The following SH3PXD2A variants were observed in gnomAD, a reference collection of about 807,000 sequenced individuals.
SH3PXD2A encodes SH3 and PX domains 2A, also known as SH3 and PX domain-containing protein 2A.
A neutral mutation model predicts 115.2 loss-of-function variants in SH3PXD2A; 32 were observed. The ratio of observed to expected loss-of-function variants is 0.28; its 90% confidence interval spans 0.21 to 0.37. The LOEUF is 0.37. Among genes scored for constraint, SH3PXD2A ranks in the 10% least tolerant of loss-of-function variants. The probability of loss-of-function intolerance (pLI) is 1.00; values close to 1 mark genes in which losing one functional copy is unlikely to be tolerated. For synonymous variants in SH3PXD2A, 610 were observed against 629.1 expected, an observed-to-expected ratio of 0.97 and a Z score of 0.45; for missense variants, 1,328 against 1,498.7, an observed-to-expected ratio of 0.89 and a Z score of 1.88.
At chr10:103,678,448 C>T (rs974307341) in intron 6 of SH3PXD2A, among the ~76,000 whole-genome samples, 1 of 152,210 alleles carries the variant, frequency 6.6e-6, no homozygotes, top group African/African-American at 2.4e-5. Context: ...TGGGGAGCCC[C>T]GAGTTAACCC....
At chr10:103,706,810 C>G (rs559047551) in intron 5 of SH3PXD2A, among the ~76,000 whole-genome samples, 16 of 152,152 alleles carry the variant, frequency 1.1e-4, no homozygotes, top group Non-Finnish European at 1.9e-4. Context: ...CTTTCCCCCC[C>G]GAGTAGAGCT....
At chr10:103,837,701 G>A (rs2039559463) in intron 1 of SH3PXD2A, among the ~76,000 whole-genome samples, 1 of 152,172 alleles carries the variant, frequency 6.6e-6, no homozygotes, top group South Asian at 2.1e-4. Flanking sequence ...CCCTCTCTGA[G>A]CCTTTCCTTG....
chr10:103,603,879 G>C (rs1039454672), intron 14 of SH3PXD2A, 90 bp from the exon 15 acceptor site: 12 of 1,364,276 alleles, frequency 8.8e-6, no homozygotes, highest in Non-Finnish European at 1.2e-5. Flanking sequence ...TTGGCTCTGG[G>C]ATAAATTATC....
In SH3PXD2A at chr10:103,852,711, C is replaced by T. The variant is rs538282689; in HGVS notation, c.72+2484G>A. On this transcript the variant is annotated intron_variant, in intron 1 of 14. Coordinates refer to ENST00000369774, the MANE Select transcript of SH3PXD2A (RefSeq NM_001394015.1). ...TGCAGCCTCCCCAAACCCGCTCCTC[C>T]TGCCCCTGTCTGTCCCACCAGGCCC... Among the ~76,000 whole-genome samples the T allele has an allele frequency of 2.2e-3, 332 of 152,366 alleles. 3 individuals carry two copies. The highest frequency in any genetic ancestry group is 3.4e-3 in the Middle Eastern group (1 of 294).
In SH3PXD2A at chr10:103,596,483, A is replaced by G. The variant is rs932056623; in HGVS notation, c.*5333T>C. On this transcript the variant is annotated 3_prime_UTR_variant, in exon 15 of 15. Transcript: ENST00000369774. ...CTCTCCAGCCAGAATGATGTGTGTG[A>G]ATGACACACTTGCTGCCAGAAGCTG... is the stretch of plus-strand genomic sequence containing the variant. 6.6e-6 allele frequency: 1 copy of G among 152,518 alleles called. No homozygotes were observed. The highest frequency in any genetic ancestry group is 1.5e-5 in the Non-Finnish European group (1 of 67,984). The allele number at this position is 152,518 out of a possible 1,614,324, so 9.4% of individuals were successfully genotyped here.
intron 2 of SH3PXD2A, among the ~76,000 whole-genome samples, chr10:103,769,452 T>TTC (rs1564884641): frequency 0.028 from 2,031 of 72,652 alleles, 39 homozygotes; most frequent in African/African-American, 0.14. Context: ...TCTTCTTCTT[T>TTC]TTTTTTTTTT....
intron 8 of SH3PXD2A, among the ~76,000 whole-genome samples, chr10:103,637,342 C>T (rs1207460605): frequency 6.6e-6 from 1 of 152,170 alleles, no homozygotes; most frequent in African/African-American, 2.4e-5. Context: ...GTTTTCCTTC[C>T]CCGTGAGTTA....
At chr10:103,651,694 A>G (rs2134024447) in intron 8 of SH3PXD2A, among the ~76,000 whole-genome samples, 1 of 152,340 alleles carries the variant, frequency 6.6e-6, no homozygotes, top group Non-Finnish European at 1.5e-5. Flanking sequence ...TATAGACTGC[A>G]TGGTTTTATA....
intron 5 of SH3PXD2A, among the ~76,000 whole-genome samples, chr10:103,721,937 G>A (rs911546045): frequency 3.9e-5 from 6 of 151,954 alleles, no homozygotes; most frequent in African/African-American, 1.5e-4. Context: ...CTTGCAACCT[G>A]GAAGTTCTGG....
chr10:103,797,889 T>C (rs2039108059), intron 2 of SH3PXD2A, among the ~76,000 whole-genome samples: 1 of 152,148 alleles, frequency 6.6e-6, no homozygotes, highest in Non-Finnish European at 1.5e-5. Flanking sequence ...AGGGTGCAAG[T>C]GTCCATCTCC....
In SH3PXD2A at chr10:103,785,327, AACAG is replaced by A. The variant is rs1241298472; in HGVS notation, c.153+15951_153+15954del. On this transcript the variant is annotated intron_variant, in intron 2 of 14. Coordinates refer to ENST00000369774, the MANE Select transcript of SH3PXD2A (RefSeq NM_001394015.1). ...GGGGTGGGCAGGGATTAGGCAATGG[AACAG>A]ACAGATGAGACCCGGGGACCCTCTG... is the stretch of plus-strand genomic sequence containing the variant. Among the ~76,000 whole-genome samples, 5 of 152,270 alleles carry A rather than the reference AACAG, an allele frequency of 3.3e-5. No homozygotes were observed. The East Asian group carries it at 7.7e-4, about 24-fold the overall frequency.
intron 8 of SH3PXD2A, among the ~76,000 whole-genome samples, chr10:103,651,193 G>A (rs1322522542): frequency 3.9e-5 from 6 of 152,078 alleles, no homozygotes; most frequent in Non-Finnish European, 7.4e-5. Flanking sequence ...CCAGCCTCCC[G>A]GCAGCTGGGT....
chr10:103,845,332 AAAAAAAAAAAAAAG>A (rs1842833882), intron 1 of SH3PXD2A, among the ~76,000 whole-genome samples: 1 of 4,204 alleles, frequency 2.4e-4, no homozygotes, highest in South Asian at 0.01. Flanking sequence ...CTTCATCTCA[AAAAAAAAAAAAAAG>A]AAAAAAGAAA....
chr10:103,648,053 C>T (rs562686396), intron 8 of SH3PXD2A, among the ~76,000 whole-genome samples: 3 of 152,310 alleles, frequency 2.0e-5, no homozygotes, highest in African/African-American at 7.2e-5. Context: ...TTCCTTCCCA[C>T]CCACATATCC....
At chr10:103,647,032 C>T (rs1410730426) in intron 8 of SH3PXD2A, among the ~76,000 whole-genome samples, 3 of 151,834 alleles carry the variant, frequency 2.0e-5, no homozygotes, top group Non-Finnish European at 2.9e-5. Flanking sequence ...GAGGTCTAGA[C>T]GGAGTCAGAT....
At chr10:103,641,949 T>G (rs141766239) in intron 8 of SH3PXD2A, among the ~76,000 whole-genome samples, 1 of 152,292 alleles carries the variant, frequency 6.6e-6, no homozygotes, top group African/African-American at 2.4e-5. Flanking sequence ...TTGAATTACA[T>G]ATACTGTGGT....
rs1357477695 is a variant in SH3PXD2A at position 103,622,477 on chromosome 10, G to A, written c.795C>T (p.His265=). Reference sequence around the variant, plus strand: ...GCCAGCTCCCGCAGTCACCTCGGCTGTGCTGCCTGTTGACCATCCCGCCCA... The same window carrying A: ...GCCAGCTCCCGCAGTCACCTCGGCTATGCTGCCTGTTGACCATCCCGCCCA... ...WTLGGMVNRQ[H]SREEKYVTVQ... is the part of the protein sequence containing the mutation. Residue 265 remains histidine, a synonymous_variant, in exon 10 of 15, where the codon CAC becomes CAT. Transcript: ENST00000369774. 6.5e-7 allele frequency: 1 copy of A among 1,549,110 alleles called. No individual in the cohort carries two copies. Among genetic ancestry groups the A allele is most frequent in the African/African-American group, 1.4e-5 (1 of 73,178 alleles).
chr10:103,737,761 C>A (rs2038396438), intron 3 of SH3PXD2A, among the ~76,000 whole-genome samples: 3 of 152,176 alleles, frequency 2.0e-5, no homozygotes, highest in African/African-American at 2.4e-5. Context: ...CCTAGTGGCT[C>A]CAGTGAGCAG....
At chr10:103,843,663 G>T (rs1347944037) in intron 1 of SH3PXD2A, among the ~76,000 whole-genome samples, 2 of 152,192 alleles carry the variant, frequency 1.3e-5, no homozygotes, top group East Asian at 1.9e-4. Context: ...GGTCACATGG[G>T]CAGGTGACCT....
Sources: gnomAD v4.1 joint callset for allele counts (sites outside exome capture counted in the v4.1 genomes callset) on GRCh38, gnomAD v4.1.1 for gene constraint, MANE v1.5 for transcripts, NCBI Gene and HGNC (gene_info 2026-07-23, HGNC 2026-07-21) for gene names.